The following PTPRD variants were observed in gnomAD, a reference collection of about 807,000 sequenced individuals.
PTPRD encodes receptor-type tyrosine-protein phosphatase delta.
A neutral mutation model predicts 214.5 loss-of-function variants in PTPRD; 34 were observed. The observed-to-expected ratio is 0.16, with a 90% CI of 0.12 to 0.21. The LOEUF (loss-of-function observed/expected upper bound fraction) is 0.21. Ranked by LOEUF, PTPRD falls within the 10% of genes least tolerant of loss-of-function variation. The pLI, the probability that PTPRD is intolerant of heterozygous loss-of-function variation, is 1.00. For missense variants in PTPRD, 2,545 were observed against 2,398.7 expected, an observed-to-expected ratio of 1.06 and a Z score of -1.27; for synonymous variants, 1,128 against 845.7, an observed-to-expected ratio of 1.33 and a Z score of -5.79.
At chr9:8,809,789 T>C (rs972260608) in intron 11 of PTPRD, among the ~76,000 whole-genome samples, 7 of 152,218 alleles carry the variant, frequency 4.6e-5, no homozygotes, top group African/African-American at 1.7e-4. Context: ...TAATTTGATA[T>C]GACGGGTGTG....
chr9:8,847,192 A>G (rs1471391578), intron 11 of PTPRD, among the ~76,000 whole-genome samples: 1 of 152,100 alleles, frequency 6.6e-6, no homozygotes, highest in Non-Finnish European at 1.5e-5. Flanking sequence ...TTTGGTACAT[A>G]TAAATCAAAT....
At chr9:9,874,783 T>G (rs913881957) in intron 5 of PTPRD, among the ~76,000 whole-genome samples, 4 of 152,198 alleles carry the variant, frequency 2.6e-5, no homozygotes, top group African/African-American at 9.6e-5. Context: ...GAAATTCCTG[T>G]ACATTTGGAA....
At chr9:9,268,899 G>A (rs956197752) in intron 9 of PTPRD, among the ~76,000 whole-genome samples, 1 of 147,604 alleles carries the variant, frequency 6.8e-6, no homozygotes, top group Admixed American at 6.8e-5. Flanking sequence ...TAAAGCCATA[G>A]AATTCCAGAA....
chr9:9,025,068 G>T (rs950219423), intron 10 of PTPRD, among the ~76,000 whole-genome samples: 8 of 151,882 alleles, frequency 5.3e-5, no homozygotes, highest in Non-Finnish European at 1.0e-4. Flanking sequence ...TAAATTTTTT[G>T]GATTGTTTAC....
chr9:10,022,378 C>T (rs1018740902), intron 4 of PTPRD, among the ~76,000 whole-genome samples: 22 of 141,880 alleles, frequency 1.6e-4, no homozygotes, highest in Non-Finnish European at 3.3e-4. Flanking sequence ...CTCATACATA[C>T]CTTTCTAATT....
chr9:8,351,098 G>GTA, intron 39 of PTPRD, among the ~76,000 whole-genome samples: 1 of 152,204 alleles, frequency 6.6e-6, no homozygotes, highest in East Asian at 1.9e-4. Flanking sequence ...ATAAACTATG[G>GTA]TATATCAATA....
At chr9:8,669,795 T>C (rs1236487774) in intron 12 of PTPRD, among the ~76,000 whole-genome samples, 1 of 152,140 alleles carries the variant, frequency 6.6e-6, no homozygotes, top group Non-Finnish European at 1.5e-5. Flanking sequence ...TCATAGAGGT[T>C]ATGAATAACG....
At chr9:8,663,058 C>A (rs1020255895) in intron 12 of PTPRD, among the ~76,000 whole-genome samples, 2 of 152,128 alleles carry the variant, frequency 1.3e-5, no homozygotes, top group East Asian at 1.9e-4. Flanking sequence ...AATGATAAAA[C>A]CTGGTATAAA....
chr9:8,600,075 GT>G (rs2094745006), intron 14 of PTPRD, among the ~76,000 whole-genome samples: 1 of 152,208 alleles, frequency 6.6e-6, no homozygotes, highest in South Asian at 2.1e-4. Flanking sequence ...GCCTGGTAGT[GT>G]AAGGAATCTA....
At chr9:9,498,307 A>C (rs2096274650) in intron 8 of PTPRD, among the ~76,000 whole-genome samples, 1 of 152,154 alleles carries the variant, frequency 6.6e-6, no homozygotes, top group Admixed American at 6.5e-5. Context: ...GTTGACATAA[A>C]TGATGTATTG....
chr9:8,462,463 C>T (rs1369341956), intron 32 of PTPRD, among the ~76,000 whole-genome samples: 1 of 152,010 alleles, frequency 6.6e-6, no homozygotes, highest in African/African-American at 2.4e-5. Context: ...CTTCAAGAGG[C>T]TCTCTCTTGA....
intron 5 of PTPRD, among the ~76,000 whole-genome samples, chr9:9,914,086 C>A (rs956840074): frequency 6.6e-6 from 1 of 152,202 alleles, no homozygotes; most frequent in Non-Finnish European, 1.5e-5. Context: ...AATAATCTTA[C>A]AGTCCTGCCT....
intron 2 of PTPRD, among the ~76,000 whole-genome samples, chr9:10,468,176 A>G (rs570934597): frequency 1.3e-5 from 2 of 152,194 alleles, no homozygotes; most frequent in African/African-American, 2.4e-5. Flanking sequence ...ATTATAAATC[A>G]TTCTACTCTA....
intron 30 of PTPRD, among the ~76,000 whole-genome samples, chr9:8,482,215 T>C (rs10117929): frequency 0.042 from 6,457 of 152,216 alleles, 460 homozygotes; most frequent in African/African-American, 0.15. Flanking sequence ...CCATCATTCA[T>C]TGTCATCCAA....
chr9:8,645,168 T>A (rs1052213124), intron 12 of PTPRD, among the ~76,000 whole-genome samples: 2 of 152,226 alleles, frequency 1.3e-5, no homozygotes, highest in African/African-American at 4.8e-5. Flanking sequence ...CTACAGCAAT[T>A]ATTTTTCACT....
chr9:10,036,774 G>T (rs13294987), intron 3 of PTPRD, among the ~76,000 whole-genome samples: 6 of 151,708 alleles, frequency 4.0e-5, no homozygotes, highest in African/African-American at 1.5e-4. Flanking sequence ...AGTAGAGACA[G>T]GGTTTCATCA....
chr9:10,216,424 T>A (rs538826257), intron 3 of PTPRD, among the ~76,000 whole-genome samples: 3 of 152,114 alleles, frequency 2.0e-5, no homozygotes, highest in South Asian at 4.1e-4. Context: ...ATATACAGTC[T>A]TTATATACAC....
At chr9:8,934,473 AT>A (rs1567099761) in intron 11 of PTPRD, among the ~76,000 whole-genome samples, 1 of 12,464 alleles carries the variant, frequency 8.0e-5, no homozygotes, top group East Asian at 9.8e-4. Context: ...AAATATATAT[AT>A]ATAAATATAT....
chr9:9,690,671 T>G (rs2097253769), intron 7 of PTPRD, among the ~76,000 whole-genome samples: 1 of 151,904 alleles, frequency 6.6e-6, no homozygotes, highest in South Asian at 2.1e-4. Flanking sequence ...GGGTCTAGGA[T>G]TTTTCCATAT....
Sources: gnomAD v4.1 joint callset for allele counts (sites outside exome capture counted in the v4.1 genomes callset) on GRCh38, gnomAD v4.1.1 for gene constraint, MANE v1.5 for transcripts, NCBI Gene and HGNC (gene_info 2026-07-23, HGNC 2026-07-21) for gene names.